The following COL22A1 variants were observed in gnomAD, a reference collection of about 807,000 sequenced individuals.
The protein encoded by COL22A1 is collagen type XXII alpha 1 chain, also known as collagen alpha-1(XXII) chain.
A neutral mutation model predicts 248.9 loss-of-function variants in COL22A1; 221 were observed. The observed-to-expected ratio is 0.89, with a 90% CI of 0.80 to 0.99. The LOEUF (loss-of-function observed/expected upper bound fraction) is 0.99, where lower values mean the gene tolerates loss of function less well. Among genes scored for constraint, COL22A1 ranks in the 50% least tolerant of loss-of-function variants. COL22A1 has a pLI of 0.00. For missense variants in COL22A1, 2,240 were observed against 2,179.0 expected, an observed-to-expected ratio of 1.03 and a Z score of -0.56; for synonymous variants, 891 against 793.4, an observed-to-expected ratio of 1.12 and a Z score of -2.07.
Position 138,807,051 on chromosome 8 carries a change from G to C in COL22A1, c.1494+717C>G, listed in dbSNP as rs191501011. 3.9e-4 allele frequency among the ~76,000 whole-genome samples: 59 copies of C among 152,258 alleles called. No homozygotes were observed. In the Middle Eastern group the frequency reaches 0.01, roughly 26 times the overall value. On this transcript the variant is annotated intron_variant, in intron 10 of 64. Coordinates refer to ENST00000303045, the MANE Select transcript of COL22A1 (RefSeq NM_152888.3). ...CTAAGAAATGCAGGAGGAGAAATAG[G>C]GGGGAGAACAGAGTGGAAGGAAAGA... is the stretch of plus-strand genomic sequence containing the variant.
intron 47 of COL22A1, among the ~76,000 whole-genome samples, chr8:138,640,219 T>C (rs1307530559): frequency 6.6e-6 from 1 of 152,206 alleles, no homozygotes; most frequent in African/African-American, 2.4e-5. Context: ...AGTTGGGAGA[T>C]TTTGTTTTTA....
At chr8:138,646,706 A>G (rs987806207) in intron 46 of COL22A1, 24 bp from the exon 47 acceptor site, 11 of 1,535,786 alleles carry the variant, frequency 7.2e-6, no homozygotes, top group Non-Finnish European at 9.7e-6. Context: ...ACAAGAAAAA[A>G]AAAGAAAACA....
chr8:138,736,249 G>C (rs1831103750), intron 23 of COL22A1, among the ~76,000 whole-genome samples: 1 of 151,766 alleles, frequency 6.6e-6, no homozygotes, highest in African/African-American at 2.4e-5. Context: ...TGATGCCAGG[G>C]GAGGCCCAGA....
chr8:138,886,098 A>C (rs778972660), intron 1 of COL22A1, among the ~76,000 whole-genome samples: 1 of 152,168 alleles, frequency 6.6e-6, no homozygotes, highest in Non-Finnish European at 1.5e-5. Flanking sequence ...CATCTGGAGA[A>C]ATTATTCCCC....
intron 1 of COL22A1, among the ~76,000 whole-genome samples, chr8:138,907,115 G>T (rs1587016121): frequency 6.6e-6 from 1 of 152,306 alleles, no homozygotes; most frequent in East Asian, 1.9e-4. Context: ...TCCTCCCAGG[G>T]AATTGACTCA....
chr8:138,762,881 T>G (rs1372762338), intron 16 of COL22A1, among the ~76,000 whole-genome samples: 1 of 152,120 alleles, frequency 6.6e-6, no homozygotes, highest in African/African-American at 2.4e-5. Context: ...ATGCACCACA[T>G]CCCCAGCACT....
At chr8:138,763,387 C>CA (rs5895559) in intron 16 of COL22A1, among the ~76,000 whole-genome samples, 76,919 of 148,834 alleles carry the variant, frequency 0.52, 22,255 homozygotes, top group East Asian at 0.8. Flanking sequence ...ACTCTGTCTC[C>CA]AAAAAAAAAG....
chr8:138,803,462 G>T (rs1817176843), intron 10 of COL22A1, among the ~76,000 whole-genome samples: 1 of 152,070 alleles, frequency 6.6e-6, no homozygotes, highest in African/African-American at 2.4e-5. Context: ...CATGGCACAT[G>T]TATACATATG....
intron 30 of COL22A1, among the ~76,000 whole-genome samples, chr8:138,708,587 T>C (rs1355651234): frequency 2.0e-5 from 3 of 152,174 alleles, no homozygotes; most frequent in South Asian, 2.1e-4. Context: ...TAGCCATATG[T>C]AGAAAGCTGA....
intron 16 of COL22A1, among the ~76,000 whole-genome samples, chr8:138,764,243 G>A (rs1420826790): frequency 6.6e-6 from 1 of 152,202 alleles, no homozygotes; most frequent in African/African-American, 2.4e-5. Context: ...GGCAGGGCAG[G>A]GGGAACCTCC....
At chr8:138,663,874 A>T (rs1824207421) in intron 41 of COL22A1, 134 bp from the exon 42 acceptor site, 8 of 695,654 alleles carry the variant, frequency 1.2e-5, no homozygotes, top group Admixed American at 2.1e-5. Context: ...CCTTGAAGCC[A>T]CACTGCCATA....
chr8:138,850,489 G>T (rs957410749), intron 3 of COL22A1, among the ~76,000 whole-genome samples: 1 of 151,978 alleles, frequency 6.6e-6, no homozygotes, highest in Non-Finnish European at 1.5e-5. Context: ...AGAAAGATGC[G>T]GCACGAAGAA....
At chr8:138,843,424 CTGT>C (rs2131865073) in intron 4 of COL22A1, among the ~76,000 whole-genome samples, 1 of 152,268 alleles carries the variant, frequency 6.6e-6, no homozygotes, top group African/African-American at 2.4e-5. Flanking sequence ...AGCAGGGCTG[CTGT>C]TCTGCAGTGG....
rs1012455848 is a variant in COL22A1, at chr8:138,913,718, C to A, written c.-172G>T. 6.5e-6 allele frequency: 1 copy of A among 152,874 alleles called. No homozygotes were observed. The highest frequency in any genetic ancestry group is 2.4e-5 in the African/African-American group (1 of 41,444). The allele number at this position is 152,874 out of a possible 1,614,324, so 9.5% of individuals were successfully genotyped here. A position where few individuals can be genotyped will look rare whatever the true frequency, so the allele number is the denominator to read the frequency against. On this transcript the variant is annotated 5_prime_UTR_variant, in exon 1 of 65. Transcript: ENST00000303045. ...AGAAGACACCAGCCCCAGGAATCCT[C>A]CTCCTGGGGGTCACCTGTCAGCCAC...
intron 30 of COL22A1, among the ~76,000 whole-genome samples, chr8:138,705,273 T>C (rs1436043547): frequency 6.6e-6 from 1 of 152,044 alleles, no homozygotes; most frequent in East Asian, 1.9e-4. Flanking sequence ...ATTCAGGAAA[T>C]ACAGAGAACA....
intron 16 of COL22A1, 62 bp from the exon 17 acceptor site, chr8:138,762,528 C>T: frequency 2.0e-6 from 3 of 1,500,130 alleles, no homozygotes; most frequent in Non-Finnish European, 1.9e-6. Context: ...CAGCCCAGCA[C>T]ACATCCCCAC....
chr8:138,690,996 G>C, intron 35 of COL22A1, 122 bp from the exon 36 acceptor site: 1 of 721,248 alleles, frequency 1.4e-6, no homozygotes, highest in South Asian at 2.4e-5. Context: ...CTGCTGACCT[G>C]ACAGCCTCTG....
chr8:138,905,913 T>C (rs1814969404), intron 1 of COL22A1, among the ~76,000 whole-genome samples: 1 of 152,176 alleles, frequency 6.6e-6, no homozygotes, highest in Admixed American at 6.5e-5. Context: ...ACCTCAGAAT[T>C]TATTTTTCTT....
chr8:138,626,107 A>G lies in COL22A1; in HGVS notation c.3717+83T>C, dbSNP rs565182182. 6.6e-6 allele frequency: 7 copies of G among 1,055,544 alleles called. No homozygotes were observed. In the East Asian group the frequency reaches 1.7e-4, roughly 26 times the overall value. 65.4% of individuals were successfully genotyped at this position (1,055,544 alleles called of 1,614,324 possible). A position where few individuals can be genotyped will look rare whatever the true frequency, so the allele number is the denominator to read the frequency against. ...TCTAGTGGCCAGGCCTTGTTTTGAC[A>G]GTGGAATATATTTTTGTTTCTTTGT... On this transcript the variant is annotated intron_variant, in intron 51 of 64. Coordinates refer to ENST00000303045, the MANE Select transcript of COL22A1 (RefSeq NM_152888.3).
Sources: gnomAD v4.1 joint callset for allele counts (sites outside exome capture counted in the v4.1 genomes callset) on GRCh38, gnomAD v4.1.1 for gene constraint, MANE v1.5 for transcripts, NCBI Gene and HGNC (gene_info 2026-07-23, HGNC 2026-07-21) for gene names.